TMEFF2: variants seen among roughly 807,000 people sequenced by gnomAD.
The protein encoded by TMEFF2 is transmembrane protein with EGF like and two follistatin like domains 2.
In TMEFF2, 28 loss-of-function variants were observed where a neutral mutation model predicts 53.8. The observed-to-expected ratio is 0.52, with a 90% CI of 0.39 to 0.71. The LOEUF is 0.71. TMEFF2 is among the 30% of genes least tolerant of loss of function. The pLI, the probability that TMEFF2 is intolerant of heterozygous loss-of-function variation, is 0.00. For synonymous variants in TMEFF2, 162 were observed against 166.3 expected, an observed-to-expected ratio of 0.97 and a Z score of 0.20; for missense variants, 353 against 455.2, an observed-to-expected ratio of 0.78 and a Z score of 2.04.
chr2:192,033,852 A>T (rs1687207590), intron 5 of TMEFF2, among the ~76,000 whole-genome samples: 2 of 152,148 alleles, frequency 1.3e-5, no homozygotes, highest in Non-Finnish European at 2.9e-5. Flanking sequence ...TTACTAACTA[A>T]AGAGGTTTGC....
At chr2:191,998,382 CTT>C (rs1016442222) in intron 6 of TMEFF2, 61 bp from the exon 7 acceptor site, 14 of 1,227,340 alleles carry the variant, frequency 1.1e-5, no homozygotes, top group East Asian at 9.8e-5. Flanking sequence ...TAATATCAAA[CTT>C]ATATATTTCC....
At chr2:192,175,346 C>G (rs1326404718) in intron 4 of TMEFF2, among the ~76,000 whole-genome samples, 1 of 151,558 alleles carries the variant, frequency 6.6e-6, no homozygotes, top group Admixed American at 6.6e-5. Context: ...GCCATGTAAA[C>G]CTTTCTTGTT....
chr2:192,139,555 A>C (rs1690089814), intron 4 of TMEFF2, among the ~76,000 whole-genome samples: 1 of 152,216 alleles, frequency 6.6e-6, no homozygotes, highest in Non-Finnish European at 1.5e-5. Context: ...AGTAAATCCC[A>C]CAAGATCAGA....
At chr2:192,055,804 C>T (rs560161093) in intron 5 of TMEFF2, among the ~76,000 whole-genome samples, 5 of 139,128 alleles carry the variant, frequency 3.6e-5, no homozygotes, top group Admixed American at 7.1e-5. Flanking sequence ...AAAAAAGAAG[C>T]GAGACTCTGT....
intron 4 of TMEFF2, among the ~76,000 whole-genome samples, chr2:192,060,043 A>ATTTTTT: frequency 6.8e-6 from 1 of 146,880 alleles, no homozygotes; most frequent in Non-Finnish European, 1.5e-5. Flanking sequence ...CGTGGATCAT[A>ATTTTTT]TTTTTTTTTT....
At chr2:192,043,823 T>C (rs565187939) in intron 5 of TMEFF2, 2 of 152,340 alleles carry the variant, frequency 1.3e-5, no homozygotes, top group East Asian at 3.9e-4. Flanking sequence ...ACTACATTCC[T>C]GGAAAGACTG....
chr2:192,082,961 A>T (rs200214865), intron 4 of TMEFF2, among the ~76,000 whole-genome samples: 4 of 142,828 alleles, frequency 2.8e-5, no homozygotes, highest in African/African-American at 2.6e-5. Context: ...TAGAGAGTTG[A>T]TTTTTTTTTT....
At chr2:192,111,322 G>A in intron 4 of TMEFF2, among the ~76,000 whole-genome samples, 1 of 152,138 alleles carries the variant, frequency 6.6e-6, no homozygotes, top group East Asian at 1.9e-4. Flanking sequence ...TCCAGGTTGA[G>A]GTTGTCTCAG....
At chr2:192,142,367 C>A (rs1690157935) in intron 4 of TMEFF2, among the ~76,000 whole-genome samples, 1 of 151,798 alleles carries the variant, frequency 6.6e-6, no homozygotes, top group African/African-American at 2.4e-5. Flanking sequence ...AAGATGACAC[C>A]ATTTTTTTTT....
chr2:192,149,737 A>T (rs1690339617), intron 4 of TMEFF2, among the ~76,000 whole-genome samples: 1 of 151,942 alleles, frequency 6.6e-6, no homozygotes, highest in South Asian at 2.1e-4. Flanking sequence ...CCTGTGATGA[A>T]ATATGTTGGA....
At chr2:191,981,022 A>G (rs939738188) in intron 7 of TMEFF2, among the ~76,000 whole-genome samples, 3 of 151,676 alleles carry the variant, frequency 2.0e-5, no homozygotes, top group Non-Finnish European at 4.4e-5. Flanking sequence ...CTTCTAATTA[A>G]TCTTGCCTAA....
chr2:192,168,484 A>T (rs575606010), intron 4 of TMEFF2, among the ~76,000 whole-genome samples: 1 of 141,674 alleles, frequency 7.1e-6, no homozygotes, highest in African/African-American at 3.2e-5. Flanking sequence ...TACCTCAATT[A>T]CAAACAAACT....
At chr2:192,134,819 A>G (rs1689957975) in intron 4 of TMEFF2, among the ~76,000 whole-genome samples, 2 of 152,128 alleles carry the variant, frequency 1.3e-5, no homozygotes, top group African/African-American at 4.8e-5. Flanking sequence ...CCACCTCTAT[A>G]CAGTCTGATA....
chr2:192,155,011 C>A (rs1431719679), intron 4 of TMEFF2, among the ~76,000 whole-genome samples: 1 of 151,788 alleles, frequency 6.6e-6, no homozygotes, highest in Non-Finnish European at 1.5e-5. Context: ...AGTTGGATAT[C>A]GATATTTCTT....
Position 191,949,484 on chromosome 2 carries a change from T to C in TMEFF2, c.*827A>G. On this transcript the variant is annotated 3_prime_UTR_variant, in exon 10 of 10. Transcript: ENST00000272771. The stretch of plus-strand genomic sequence containing the variant: ...GAATTCACGATTTTGGTGTTTCACA[T>C]CTAGTGGTGTTATTACATTTTTCCC... The C allele has an allele frequency of 1.0e-6, 1 of 985,428 alleles. No homozygotes were observed. The highest frequency in any genetic ancestry group is 1.2e-6 in the Non-Finnish European group (1 of 829,922). The allele number at this position is 985,428 out of a possible 1,614,324, so 61.0% of individuals were successfully genotyped here.
At position 192,133,289 on chromosome 2, in the gene TMEFF2, T is replaced by TC. The variant is rs558316769; in HGVS notation, c.439+46378dup. Among the ~76,000 whole-genome samples the TC allele has an allele frequency of 9.2e-5, 14 of 152,076 alleles. No homozygotes were observed. The South Asian group carries it at 1.7e-3, about 18-fold the overall frequency. ...GCTTCATTTGCGTCCTCCTCTTGTA[T>TC]CCCCCCACCTTAACCCACAAGTATA... On this transcript the variant is annotated intron_variant, in intron 4 of 9. Transcript: ENST00000272771.
intron 8 of TMEFF2, 47 bp downstream of exon 8, chr2:191,956,208 A>G: frequency 1.3e-6 from 2 of 1,540,784 alleles, no homozygotes; most frequent in Non-Finnish European, 1.8e-6. Flanking sequence ...TTTAGTTTCT[A>G]CATATTAACT....
intron 4 of TMEFF2, among the ~76,000 whole-genome samples, chr2:192,112,807 T>C (rs1689315795): frequency 6.6e-6 from 1 of 152,128 alleles, no homozygotes; most frequent in Non-Finnish European, 1.5e-5. Flanking sequence ...GCTGTTCTCA[T>C]GGTAGTGAAT....
intron 2 of TMEFF2, among the ~76,000 whole-genome samples, chr2:192,190,124 C>T (rs1691426389): frequency 6.6e-6 from 1 of 152,068 alleles, no homozygotes. Flanking sequence ...TTCTGTGGCA[C>T]CTATAAAATG....
Sources: gnomAD v4.1 joint callset for allele counts (sites outside exome capture counted in the v4.1 genomes callset) on GRCh38, gnomAD v4.1.1 for gene constraint, MANE v1.5 for transcripts, NCBI Gene and HGNC (gene_info 2026-07-23, HGNC 2026-07-21) for gene names.